The following SORCS3 variants were observed in gnomAD, a reference collection of about 807,000 sequenced individuals.
SORCS3 encodes the protein sortilin related VPS10 domain containing receptor 3, also known as VPS10 domain-containing receptor SorCS3.
A neutral mutation model predicts 146.3 loss-of-function variants in SORCS3; 57 were observed. That is an observed-to-expected ratio of 0.39 (90% confidence interval 0.31 to 0.49). SORCS3 has a LOEUF of 0.49. Ranked by LOEUF, SORCS3 falls within the 20% of genes least tolerant of loss-of-function variation. SORCS3 has a pLI of 0.92. For synonymous variants in SORCS3, 653 were observed against 618.5 expected, an observed-to-expected ratio of 1.06 and a Z score of -0.83; for missense variants, 1,341 against 1,575.5, an observed-to-expected ratio of 0.85 and a Z score of 2.52.
At chr10:105,170,396 T>C (rs1248870310) in intron 13 of SORCS3, among the ~76,000 whole-genome samples, 1 of 152,052 alleles carries the variant, frequency 6.6e-6, no homozygotes, top group Non-Finnish European at 1.5e-5. Context: ...CTTTTCTTGG[T>C]AAAAATGTTT....
intron 9 of SORCS3, among the ~76,000 whole-genome samples, chr10:105,150,741 T>C (rs1362622631): frequency 6.6e-6 from 1 of 152,166 alleles, no homozygotes; most frequent in East Asian, 1.9e-4. Context: ...ACCATGACCA[T>C]ACTGAAGATT....
chr10:104,881,232 C>A (rs559217912), intron 2 of SORCS3, among the ~76,000 whole-genome samples: 1 of 152,090 alleles, frequency 6.6e-6, no homozygotes, highest in Non-Finnish European at 1.5e-5. Flanking sequence ...ATGAGAGATA[C>A]AAATATGGGT....
chr10:105,161,728 T>A (rs1247264270), intron 11 of SORCS3, among the ~76,000 whole-genome samples: 3 of 152,200 alleles, frequency 2.0e-5, no homozygotes, highest in African/African-American at 7.2e-5. Flanking sequence ...TTGCCTTGAT[T>A]GCATAACTGC....
chr10:104,757,820 G>C (rs976595538), intron 1 of SORCS3, among the ~76,000 whole-genome samples: 5 of 151,288 alleles, frequency 3.3e-5, no homozygotes, highest in Admixed American at 1.3e-4. Flanking sequence ...GCACAGGTGT[G>C]TGCTTGATTC....
chr10:105,166,765 C>G (rs1477228666), intron 12 of SORCS3, among the ~76,000 whole-genome samples: 1 of 152,100 alleles, frequency 6.6e-6, no homozygotes, highest in Non-Finnish European at 1.5e-5. Context: ...GTGGCTATTT[C>G]AATTATTAGT....
intron 19 of SORCS3, among the ~76,000 whole-genome samples, chr10:105,217,657 T>C (rs908702308): frequency 3.9e-5 from 6 of 152,256 alleles, no homozygotes; most frequent in African/African-American, 1.4e-4. Flanking sequence ...GTTTTGACAA[T>C]TCTAAGAACT....
At chr10:104,738,194 CT>C (rs2133458106) in intron 1 of SORCS3, among the ~76,000 whole-genome samples, 1 of 152,276 alleles carries the variant, frequency 6.6e-6, no homozygotes, top group South Asian at 2.1e-4. Context: ...GTCAGGTAGC[CT>C]GATGTGACCG....
chr10:105,198,383 C>T (rs917902292), intron 14 of SORCS3, among the ~76,000 whole-genome samples: 4 of 152,130 alleles, frequency 2.6e-5, no homozygotes, highest in Admixed American at 6.6e-5. Flanking sequence ...ATCAAGGTCT[C>T]CTCCCACTGT....
intron 8 of SORCS3, among the ~76,000 whole-genome samples, chr10:105,144,130 A>C (rs1478152907): frequency 6.6e-6 from 1 of 152,178 alleles, no homozygotes; most frequent in African/African-American, 2.4e-5. Flanking sequence ...GGTGTGCCAT[A>C]GCACCCCTTA....
intron 8 of SORCS3, among the ~76,000 whole-genome samples, chr10:105,143,752 A>G (rs1030446681): frequency 2.6e-5 from 4 of 152,170 alleles, no homozygotes; most frequent in African/African-American, 9.7e-5. Context: ...ATAAAGGAAA[A>G]GAGGAGTTTC....
chr10:105,161,839 T>G lies in SORCS3; in HGVS notation c.1733-2464T>G, dbSNP rs578058148. 1.6e-4 allele frequency among the ~76,000 whole-genome samples: 24 copies of G among 152,306 alleles called. 1 individual carries two copies. Among genetic ancestry groups the G allele is most frequent in the African/African-American group, 5.1e-4 (21 of 41,576 alleles). On this transcript the variant is annotated intron_variant, in intron 11 of 26. Transcript: ENST00000369701. ...GTCATGTCCCAGCCCACAATCTCTC[T>G]GATTCCACCTCTAGTACTCTGTTCT... is the stretch of plus-strand genomic sequence containing the variant.
chr10:105,252,665 G>T, intron 22 of SORCS3, 110 bp from the exon 23 acceptor site: 1 of 1,356,960 alleles, frequency 7.4e-7, no homozygotes, highest in Non-Finnish European at 1.0e-6. Flanking sequence ...CTAAAAAGCT[G>T]CATTTGAAAA....
At chr10:104,688,270 C>A (rs1298384285) in intron 1 of SORCS3, among the ~76,000 whole-genome samples, 3 of 152,206 alleles carry the variant, frequency 2.0e-5, no homozygotes, top group Non-Finnish European at 4.4e-5. Flanking sequence ...CCTGACTGGC[C>A]ACTCATCCAG....
chr10:104,815,358 G>C (rs2017784560), intron 1 of SORCS3, among the ~76,000 whole-genome samples: 1 of 150,848 alleles, frequency 6.6e-6, no homozygotes, highest in South Asian at 2.1e-4. Context: ...CTGAGGAGGT[G>C]GGATCACTTG....
At chr10:104,944,324 G>A (rs1451608114) in intron 3 of SORCS3, among the ~76,000 whole-genome samples, 2 of 152,052 alleles carry the variant, frequency 1.3e-5, no homozygotes, top group East Asian at 1.9e-4. Flanking sequence ...TCTTATATAG[G>A]CTTCTAAAAA....
intron 1 of SORCS3, among the ~76,000 whole-genome samples, chr10:104,710,565 G>A (rs917506736): frequency 1.3e-5 from 2 of 152,126 alleles, no homozygotes; most frequent in African/African-American, 4.8e-5. Flanking sequence ...GGGCTTCTCT[G>A]GGGAGGTGAT....
intron 13 of SORCS3, among the ~76,000 whole-genome samples, chr10:105,174,881 T>C (rs1262126479): frequency 1.3e-5 from 2 of 152,156 alleles, no homozygotes; most frequent in East Asian, 3.9e-4. Context: ...ACTGGAAGGC[T>C]GCGATGGTCT....
chr10:104,720,119 C>T (rs1421080637), intron 1 of SORCS3, among the ~76,000 whole-genome samples: 2 of 152,096 alleles, frequency 1.3e-5, no homozygotes, highest in African/African-American at 2.4e-5. Flanking sequence ...AATCCTATCC[C>T]TCCCCCTTCC....
chr10:105,172,342 T>C (rs2056367152), intron 13 of SORCS3, among the ~76,000 whole-genome samples: 1 of 152,196 alleles, frequency 6.6e-6, no homozygotes, highest in African/African-American at 2.4e-5. Context: ...AGAATAGGGG[T>C]TGGGATACAC....
Sources: gnomAD v4.1 joint callset for allele counts (sites outside exome capture counted in the v4.1 genomes callset) on GRCh38, gnomAD v4.1.1 for gene constraint, MANE v1.5 for transcripts, NCBI Gene and HGNC (gene_info 2026-07-23, HGNC 2026-07-21) for gene names.